CDH18: variants seen among roughly 807,000 people sequenced by gnomAD.
CDH18 encodes cadherin-18.
A neutral mutation model predicts 67.9 loss-of-function variants in CDH18; 31 were observed. The ratio of observed to expected loss-of-function variants is 0.46; its 90% confidence interval spans 0.34 to 0.62. The LOEUF (loss-of-function observed/expected upper bound fraction) is 0.62, where lower values mean the gene tolerates loss of function less well. CDH18 is among the 20% of genes least tolerant of loss of function. CDH18 has a pLI of 0.01. For synonymous variants in CDH18, 362 were observed against 347.2 expected (o/e 1.04, Z -0.48); for missense variants, 890 against 975.5 (o/e 0.91, Z 1.17).
chr5:19,495,288 C>T (rs763361496), intron 11 of CDH18, among the ~76,000 whole-genome samples: 6 of 152,134 alleles, frequency 3.9e-5, no homozygotes, highest in Non-Finnish European at 8.8e-5. Flanking sequence ...TATCATTGAA[C>T]GGCATCCTTT....
chr5:19,901,393 C>G (rs114334806), intron 2 of CDH18, among the ~76,000 whole-genome samples: 1,948 of 152,102 alleles, frequency 0.013, 38 homozygotes, highest in African/African-American at 0.045. Flanking sequence ...TCCAAGACAT[C>G]TTTCTTCATG....
chr5:20,270,723 G>A (rs567170205), intron 1 of CDH18, among the ~76,000 whole-genome samples: 1 of 152,144 alleles, frequency 6.6e-6, no homozygotes, highest in East Asian at 1.9e-4. Flanking sequence ...GCTAAGACAT[G>A]GAATCAACCT....
chr5:19,546,610 G>A (rs1389963318), intron 8 of CDH18, among the ~76,000 whole-genome samples: 1 of 152,120 alleles, frequency 6.6e-6, no homozygotes, highest in African/African-American at 2.4e-5. Flanking sequence ...ATACTTTCTA[G>A]AACAGAGTGT....
At chr5:19,517,468 A>C (rs906498530) in intron 10 of CDH18, among the ~76,000 whole-genome samples, 6 of 152,152 alleles carry the variant, frequency 3.9e-5, no homozygotes, top group African/African-American at 7.2e-5. Flanking sequence ...GATGAAATTC[A>C]ATTTATCACT....
At chr5:20,344,014 C>A (rs186546069) in intron 1 of CDH18, among the ~76,000 whole-genome samples, 19 of 152,110 alleles carry the variant, frequency 1.2e-4, no homozygotes, top group African/African-American at 4.6e-4. Context: ...TGGAAGGGCT[C>A]CATAAAAGAA....
At chr5:19,619,891 T>C (rs1010251339) in intron 5 of CDH18, among the ~76,000 whole-genome samples, 1 of 152,212 alleles carries the variant, frequency 6.6e-6, no homozygotes, top group Non-Finnish European at 1.5e-5. Flanking sequence ...AAGAAAAATA[T>C]ATATGAAATT....
intron 2 of CDH18, among the ~76,000 whole-genome samples, chr5:19,935,747 G>T (rs1409707292): frequency 4.8e-5 from 7 of 144,636 alleles, no homozygotes; most frequent in African/African-American, 1.8e-4. Flanking sequence ...GAATCTTAAT[G>T]TATTGGTTGT....
chr5:19,891,532 C>T (rs1788782434), intron 2 of CDH18, among the ~76,000 whole-genome samples: 1 of 152,110 alleles, frequency 6.6e-6, no homozygotes, highest in Non-Finnish European at 1.5e-5. Flanking sequence ...TAATAACTCA[C>T]AATACAACTT....
At chr5:20,278,972 A>G (rs1272295153) in intron 1 of CDH18, among the ~76,000 whole-genome samples, 1 of 152,102 alleles carries the variant, frequency 6.6e-6, no homozygotes, top group Admixed American at 6.6e-5. Flanking sequence ...CTAGATTGGA[A>G]GCCAAGAAAG....
At chr5:20,133,552 A>AT (rs1749448035) in intron 2 of CDH18, among the ~76,000 whole-genome samples, 1 of 152,168 alleles carries the variant, frequency 6.6e-6, no homozygotes, top group Non-Finnish European at 1.5e-5. Flanking sequence ...ATACAGAATT[A>AT]TAAGTTATTT....
rs143327351 is a variant in CDH18, at chr5:20,529,830, A to G, written c.-580+45632T>C. Among the ~76,000 whole-genome samples the G allele has an allele frequency of 2.5e-3, 385 of 152,160 alleles. 3 individuals are homozygous for G. The highest frequency in any genetic ancestry group is 9.0e-3 in the African/African-American group (375 of 41,470). ...AACATTCCCCTTGAAAACCGGCAAA[A>G]GACAAGGATGCTGTCTCTCACCACT... is the stretch of plus-strand genomic sequence containing the variant. On this transcript the variant is annotated intron_variant, in intron 1 of 14. Transcript: ENST00000507958.
At chr5:20,497,313 T>C (rs751817884) in intron 1 of CDH18, among the ~76,000 whole-genome samples, 1 of 152,168 alleles carries the variant, frequency 6.6e-6, no homozygotes, top group Non-Finnish European at 1.5e-5. Context: ...CACAGGCTAA[T>C]TAACAATGAT....
At chr5:20,508,759 G>A (rs1449940346) in intron 1 of CDH18, among the ~76,000 whole-genome samples, 1 of 151,302 alleles carries the variant, frequency 6.6e-6, no homozygotes, top group African/African-American at 2.4e-5. Context: ...TTCCATTGTT[G>A]GTAAAATAAA....
intron 1 of CDH18, among the ~76,000 whole-genome samples, chr5:20,567,797 A>C (rs942985759): frequency 6.6e-6 from 1 of 152,178 alleles, no homozygotes; most frequent in Non-Finnish European, 1.5e-5. Context: ...AAAAGACAAC[A>C]GTTTAATGAC....
chr5:20,076,684 C>T (rs1004615174), intron 2 of CDH18, among the ~76,000 whole-genome samples: 6 of 152,072 alleles, frequency 3.9e-5, no homozygotes, highest in Non-Finnish European at 8.8e-5. Context: ...GATATCCCAA[C>T]ATATTTTTAC....
intron 1 of CDH18, among the ~76,000 whole-genome samples, chr5:20,377,315 A>G (rs572636262): frequency 6.6e-6 from 1 of 152,302 alleles, no homozygotes; most frequent in South Asian, 2.1e-4. Context: ...TTTTGTACAA[A>G]CTAACATATT....
intron 1 of CDH18, among the ~76,000 whole-genome samples, chr5:20,457,756 G>A (rs1468603205): frequency 6.6e-6 from 1 of 152,130 alleles, no homozygotes; most frequent in Non-Finnish European, 1.5e-5. Flanking sequence ...GATAACTAAT[G>A]TGGAGGCAGG....
chr5:19,817,117 ACAT>A (rs1304415233), intron 3 of CDH18, among the ~76,000 whole-genome samples: 1 of 151,934 alleles, frequency 6.6e-6, no homozygotes, highest in Non-Finnish European at 1.5e-5. Context: ...AAATTGGAAA[ACAT>A]CATCAATTTT....
chr5:19,486,090 T>C (rs1466080140), intron 11 of CDH18, among the ~76,000 whole-genome samples: 1 of 152,050 alleles, frequency 6.6e-6, no homozygotes, highest in African/African-American at 2.4e-5. Flanking sequence ...GTTTTGACTT[T>C]TGAAAAGAAA....
Sources: allele counts gnomAD v4.1 joint callset (sites outside exome capture counted in the v4.1 genomes callset), GRCh38; gene constraint gnomAD v4.1.1; transcripts MANE v1.5; gene names NCBI Gene and HGNC (gene_info 2026-07-23, HGNC 2026-07-21).